UNC13C: variants seen among roughly 807,000 people sequenced by gnomAD.
UNC13C encodes unc-13 homolog C, also known as protein unc-13 homolog C.
In UNC13C, 174 loss-of-function variants were observed where a neutral mutation model predicts 245.4. That is an observed-to-expected ratio of 0.71 (90% CI 0.63 to 0.80). UNC13C has a LOEUF of 0.80. Among genes scored for constraint, UNC13C ranks in the 30% least tolerant of loss-of-function variants. The probability of loss-of-function intolerance (pLI) is 0.00; values close to 1 mark genes in which losing one functional copy is unlikely to be tolerated. For missense variants in UNC13C, 2,829 were observed against 2,602.9 expected (o/e 1.09, Z -1.89); for synonymous variants, 992 against 895.1 (o/e 1.11, Z -1.93).
At chr15:54,120,698 C>T (rs983463188) in intron 2 of UNC13C, among the ~76,000 whole-genome samples, 2 of 151,852 alleles carry the variant, frequency 1.3e-5, no homozygotes, top group African/African-American at 2.4e-5. Flanking sequence ...TTCTAGATGT[C>T]ATTAAGGCCA....
At position 54,413,227 on chromosome 15, in the gene UNC13C, TTGTG is replaced by T. The variant is rs150295755; in HGVS notation, c.4848-1751_4848-1748del. Among the ~76,000 whole-genome samples, 600 of 152,122 alleles carry T rather than the reference TTGTG, an allele frequency of 3.9e-3. 3 individuals are homozygous for T. The highest frequency in any genetic ancestry group is 0.014 in the African/African-American group (575 of 41,588). ...TTTATAAGAGATATTCTTTAGTTTT[TTGTG>T]TGTTTTAGTTTTTAGTTTTAGTTCT... is the stretch of plus-strand genomic sequence containing the variant. On this transcript the variant is annotated intron_variant, in intron 18 of 32. Coordinates refer to ENST00000260323, the MANE Select transcript of UNC13C (RefSeq NM_001080534.3).
intron 19 of UNC13C, among the ~76,000 whole-genome samples, chr15:54,467,071 C>T (rs925548797): frequency 6.6e-6 from 1 of 151,762 alleles, no homozygotes; most frequent in African/African-American, 2.4e-5. Context: ...CTGGGACCTA[C>T]ACTGGAGTTT....
At chr15:54,435,876 G>A (rs1196156422) in intron 19 of UNC13C, among the ~76,000 whole-genome samples, 1 of 151,168 alleles carries the variant, frequency 6.6e-6, no homozygotes, top group East Asian at 2.0e-4. Flanking sequence ...TTAAATAAAT[G>A]TACAAGAAAA....
chr15:54,476,936 A>G (rs1360998234), intron 19 of UNC13C, among the ~76,000 whole-genome samples: 2 of 148,884 alleles, frequency 1.3e-5, no homozygotes, highest in East Asian at 2.0e-4. Flanking sequence ...CTTCCTACCC[A>G]TGAGCATGGA....
the UNC13C span, among the ~76,000 whole-genome samples, chr15:53,916,264 A>G: frequency 6.6e-6 from 1 of 152,206 alleles, no homozygotes; most frequent in African/African-American, 2.4e-5. Flanking sequence ...TCCAAGTCTT[A>G]GGGTCTAGTG....
At chr15:54,442,886 T>C (rs1890607910) in intron 19 of UNC13C, among the ~76,000 whole-genome samples, 1 of 152,088 alleles carries the variant, frequency 6.6e-6, no homozygotes, top group African/African-American at 2.4e-5. Flanking sequence ...TTTTTGTTGT[T>C]GTGTCCTTTT....
At chr15:54,446,173 C>A (rs1043205842) in intron 19 of UNC13C, among the ~76,000 whole-genome samples, 7 of 152,132 alleles carry the variant, frequency 4.6e-5, no homozygotes, top group African/African-American at 1.7e-4. Flanking sequence ...GGTAACAGTA[C>A]CATTCTCTTT....
At chr15:54,074,860 C>A (rs996679146) in intron 2 of UNC13C, among the ~76,000 whole-genome samples, 2 of 144,422 alleles carry the variant, frequency 1.4e-5, no homozygotes, top group African/African-American at 2.5e-5. Flanking sequence ...ATTTGAATAC[C>A]CTTTATTTCT....
chr15:54,302,154 A>G (rs2037602212), intron 13 of UNC13C, among the ~76,000 whole-genome samples: 1 of 151,992 alleles, frequency 6.6e-6, no homozygotes. Context: ...TTTTTCTTGC[A>G]AATTTGTTTA....
the UNC13C span, among the ~76,000 whole-genome samples, chr15:53,852,522 TATA>T: frequency 1.3e-5 from 2 of 152,140 alleles, no homozygotes; most frequent in African/African-American, 2.4e-5. Flanking sequence ...CATAAATTTC[TATA>T]ATGTTTTCTC....
chr15:53,901,718 G>T, the UNC13C span, among the ~76,000 whole-genome samples: 1 of 151,980 alleles, frequency 6.6e-6, no homozygotes, highest in Non-Finnish European at 1.5e-5. Context: ...GAATATTTTT[G>T]AGGCCAAATT....
chr15:53,990,072 C>T (rs146299824), intron 1 of UNC13C, among the ~76,000 whole-genome samples: 2,505 of 152,082 alleles, frequency 0.016, 37 homozygotes, highest in Middle Eastern at 0.021. Flanking sequence ...AAAAGCTAAA[C>T]GGGCCATGAT....
chr15:53,867,182 A>T, the UNC13C span, among the ~76,000 whole-genome samples: 1 of 152,224 alleles, frequency 6.6e-6, no homozygotes, highest in Non-Finnish European at 1.5e-5. Context: ...AAAGGCAAGG[A>T]TGCTCACTCT....
chr15:54,009,214 C>T (rs2140985738), intron 1 of UNC13C, among the ~76,000 whole-genome samples: 1 of 152,312 alleles, frequency 6.6e-6, no homozygotes, highest in South Asian at 2.1e-4. Context: ...TTCCCTTTCA[C>T]TTCTGACTGC....
At chr15:54,180,063 GGTATAT>G (rs1206088295) in intron 4 of UNC13C, among the ~76,000 whole-genome samples, 5 of 151,884 alleles carry the variant, frequency 3.3e-5, no homozygotes, top group Non-Finnish European at 7.4e-5. Context: ...TCGTTACCTG[GGTATAT>G]TATGTGATGC....
chr15:53,870,411 C>T, the UNC13C span, among the ~76,000 whole-genome samples: 1 of 150,822 alleles, frequency 6.6e-6, no homozygotes, highest in East Asian at 2.0e-4. Context: ...GACATGCTGT[C>T]CTTTTTCCTT....
chr15:54,144,573 A>G (rs867737036), intron 4 of UNC13C, among the ~76,000 whole-genome samples: 3 of 152,212 alleles, frequency 2.0e-5, no homozygotes, highest in African/African-American at 7.2e-5. Context: ...CAAAGTCAGT[A>G]TTCAAGCTCA....
chr15:54,293,994 T>G lies in UNC13C; in HGVS notation c.3918T>G (p.Asp1306Glu). 6.3e-7 allele frequency: 1 copy of G among 1,599,042 alleles called. No individual in the cohort carries two copies. The highest frequency in any genetic ancestry group is 8.5e-7 in the Non-Finnish European group (1 of 1,173,304). The change falls in exon 11 of 33, where the codon GAT becomes GAG. Residue 1306 changes from aspartate to glutamate, a missense_variant. Asp to Glu is a conservative substitution (Grantham distance 45). Coordinates refer to ENST00000260323, the MANE Select transcript of UNC13C (RefSeq NM_001080534.3). ...RVKQHFKKES[D>E]DFLGQTIVEV... ...AGCAACATTTCAAAAAGGAGTCAGA[T>G]GATTTTCTGGGACAAACAATTGTAG...
chr15:54,448,242 T>C (rs1890944379), intron 19 of UNC13C, among the ~76,000 whole-genome samples: 1 of 152,232 alleles, frequency 6.6e-6, no homozygotes, highest in South Asian at 2.1e-4. Flanking sequence ...GAGAAGAATG[T>C]ATATTCTGTT....
Sources: allele counts gnomAD v4.1 joint callset (sites outside exome capture counted in the v4.1 genomes callset), GRCh38; gene constraint gnomAD v4.1.1; transcripts MANE v1.5; gene names NCBI Gene and HGNC (gene_info 2026-07-23, HGNC 2026-07-21).